Variants in SLC5A4 observed in about 807,000 individuals in gnomAD.
The protein encoded by SLC5A4 is probable glucose sensor protein SLC5A4.
Under a neutral mutation model 70.3 loss-of-function variants are expected in SLC5A4, and 55 were observed. The observed-to-expected ratio is 0.78, with a 90% CI of 0.63 to 0.98. The LOEUF is 0.98. Ranked by LOEUF, SLC5A4 falls within the 50% of genes least tolerant of loss-of-function variation. SLC5A4 has a pLI of 0.00. For synonymous variants in SLC5A4, 268 were observed against 305.7 expected (o/e 0.88, Z 1.29); for missense variants, 735 against 839.2 (o/e 0.88, Z 1.53).
chr22:32,324,276 T>TA, the SLC5A4 span, among the ~76,000 whole-genome samples: 12 of 137,268 alleles, frequency 8.7e-5, no homozygotes, highest in Admixed American at 9.9e-4. Flanking sequence ...TGTATATATA[T>TA]ATACACACAT....
In SLC5A4 at chr22:32,248,740, C is replaced by G. The variant is rs753656340; in HGVS notation, c.372+3G>C. 1.2e-5 allele frequency: 20 copies of G among 1,607,746 alleles called. No homozygotes were observed. Among genetic ancestry groups the G allele is most frequent in the Non-Finnish European group, 1.2e-5 (14 of 1,174,358 alleles). On this transcript the variant is annotated splice_donor_region_variant and intron_variant, in intron 4 of 14. Transcript: ENST00000266086. ...CTCTGGCATTTTGGTAACAGATACT[C>G]ACCCCCGACTTGATGTAGATAGGGA...
the SLC5A4 span, among the ~76,000 whole-genome samples, chr22:32,284,388 C>A: frequency 6.6e-6 from 1 of 152,150 alleles, no homozygotes; most frequent in Admixed American, 6.5e-5. Flanking sequence ...TTATGACAAG[C>A]CTGTGGGTTG....
At chr22:32,338,316 G>A in the SLC5A4 span, among the ~76,000 whole-genome samples, 28 of 151,302 alleles carry the variant, frequency 1.9e-4, 1 homozygote, top group South Asian at 5.8e-3. Flanking sequence ...AGGAAATACA[G>A]TTAACAAATG....
intron 5 of SLC5A4, among the ~76,000 whole-genome samples, chr22:32,239,556 A>ATATT (rs1947093752): frequency 1.9e-4 from 4 of 20,892 alleles, no homozygotes; most frequent in Middle Eastern, 0.014. Context: ...ATATATATAT[A>ATATT]TATATATATA....
chr22:32,254,787 G>C (rs1279643007), intron 1 of SLC5A4, among the ~76,000 whole-genome samples: 2 of 150,066 alleles, frequency 1.3e-5, no homozygotes, highest in Non-Finnish European at 2.9e-5. Context: ...CTGGACGACA[G>C]AGCAAGACTC....
chr22:32,277,670 C>T, the SLC5A4 span, among the ~76,000 whole-genome samples: 1 of 152,144 alleles, frequency 6.6e-6, no homozygotes, highest in East Asian at 1.9e-4. Flanking sequence ...GCCTCAGCCT[C>T]CCGAGTAGCT....
chr22:32,271,999 A>AC, the SLC5A4 span: 1 of 615,812 alleles, frequency 1.6e-6, no homozygotes, highest in Non-Finnish European at 3.0e-6. Flanking sequence ...CAGTGCATCC[A>AC]CCCCCAGGAG....
Position 32,224,087 on chromosome 22 carries a change from A to AT in SLC5A4, c.1665+179dup, listed in dbSNP as rs550708609. Among the ~76,000 whole-genome samples the AT allele has an allele frequency of 1.2e-3, 183 of 152,144 alleles. 2 individuals carry two copies. Among genetic ancestry groups the AT allele is most frequent in the South Asian group, 0.011 (51 of 4,812 alleles). ...AGGTGCCCACCACCACACCCAGCTAATTTTTTGTATTTTTAGTAGAGACAA... is the reference window on the plus strand; with the variant it reads ...AGGTGCCCACCACCACACCCAGCTAATTTTTTTGTATTTTTAGTAGAGACAA... On this transcript the variant is annotated intron_variant, in intron 13 of 14. Transcript: ENST00000266086.
the SLC5A4 span, among the ~76,000 whole-genome samples, chr22:32,308,592 C>T: frequency 6.6e-6 from 1 of 152,228 alleles, no homozygotes; most frequent in Admixed American, 6.5e-5. Context: ...CCATTCCTGG[C>T]TGTGTTTCCC....
chr22:32,246,382 T>C (rs1416787605), intron 5 of SLC5A4, among the ~76,000 whole-genome samples: 1 of 152,202 alleles, frequency 6.6e-6, no homozygotes, highest in Admixed American at 6.5e-5. Context: ...GACACCTGCC[T>C]AGACTGTAAA....
intron 11 of SLC5A4, among the ~76,000 whole-genome samples, chr22:32,227,380 A>T (rs1458433782): frequency 6.6e-6 from 1 of 152,180 alleles, no homozygotes; most frequent in Non-Finnish European, 1.5e-5. Context: ...CCTCTCCTAC[A>T]GCATTTGTCC....
chr22:32,305,500 G>A, the SLC5A4 span, among the ~76,000 whole-genome samples: 2 of 148,908 alleles, frequency 1.3e-5, no homozygotes, highest in South Asian at 2.2e-4. Flanking sequence ...TCCATTGCCT[G>A]GGGGTGCCAG....
intron 6 of SLC5A4, 72 bp from the exon 7 acceptor site, chr22:32,237,396 TCTC>T (rs1926126471): frequency 4.9e-6 from 5 of 1,015,518 alleles, no homozygotes; most frequent in South Asian, 3.3e-5. Context: ...ACCACTGGGT[TCTC>T]CTCCACCCAC....
chr22:32,306,875 G>A, the SLC5A4 span, among the ~76,000 whole-genome samples: 1 of 151,278 alleles, frequency 6.6e-6, no homozygotes, highest in Non-Finnish European at 1.5e-5. Flanking sequence ...GAAGAAACTG[G>A]GTATGAGAAA....
In SLC5A4 at chr22:32,231,033, C is replaced by T. The variant is rs1925724846; in HGVS notation, c.1064G>A (p.Cys355Tyr). The change falls in exon 10 of 15, where the codon TGT (cysteine) becomes TAT (tyrosine). Residue 355 changes from cysteine (C) to tyrosine (Y), a missense_variant. Transcript: ENST00000266086. ...GTTGGTGCAGCCAACATCAACGCCA[C>T]AGTGTTTCACGCATTCAGAAGGTAC... ...CVVPSECVKH[C>Y]GVDVGCTNYA... 1 of 1,613,948 alleles carries T rather than the reference C, an allele frequency of 6.2e-7. No individual in the cohort carries two copies. Among genetic ancestry groups the T allele is most frequent in the Non-Finnish European group, 8.5e-7 (1 of 1,179,936 alleles).
At chr22:32,285,526 T>G in the SLC5A4 span, among the ~76,000 whole-genome samples, 1 of 152,096 alleles carries the variant, frequency 6.6e-6, no homozygotes, top group Non-Finnish European at 1.5e-5. Context: ...ACATCATCTT[T>G]TGTCATACAA....
the SLC5A4 span, among the ~76,000 whole-genome samples, chr22:32,333,032 T>TGA: frequency 1.3e-5 from 2 of 152,188 alleles, no homozygotes; most frequent in Non-Finnish European, 2.9e-5. Context: ...GGTTTTAAGC[T>TGA]GAGAGATGGC....
intron 1 of SLC5A4, 82 bp from the exon 2 acceptor site, chr22:32,254,295 G>A: frequency 1.0e-6 from 1 of 974,532 alleles, no homozygotes; most frequent in Non-Finnish European, 1.7e-6. Flanking sequence ...AGGGTGCTGA[G>A]AGGGGTGACT....
chr22:32,239,596 ATT>A lies in SLC5A4; in HGVS notation c.478-508_478-507del, dbSNP rs60233400. ...TATATATATATTTATATATATATAA[ATT>A]ATATAAAATATATGTATAATATATA... On this transcript the variant is annotated intron_variant, in intron 5 of 14. Coordinates refer to ENST00000266086, the MANE Select transcript of SLC5A4 (RefSeq NM_014227.3). Among the ~76,000 whole-genome samples the A allele has an allele frequency of 9.6e-3, 253 of 26,464 alleles. 26 individuals are homozygous for A. Among genetic ancestry groups the A allele is most frequent in the African/African-American group, 0.071 (244 of 3,440 alleles). 17.4% of individuals were successfully genotyped at this position (26,464 alleles called of 152,430 possible).
Sources: gnomAD v4.1 joint callset for allele counts (sites outside exome capture counted in the v4.1 genomes callset) on GRCh38, gnomAD v4.1.1 for gene constraint, MANE v1.5 for transcripts, NCBI Gene and HGNC (gene_info 2026-07-23, HGNC 2026-07-21) for gene names.